NRG3: variants seen among roughly 807,000 people sequenced by gnomAD.
The protein encoded by NRG3 is pro-neuregulin-3, membrane-bound isoform.
NRG3 carries 31 observed loss-of-function variants against 66.9 expected under a neutral mutation model. The observed-to-expected ratio is 0.46, with a 90% confidence interval of 0.35 to 0.63. The LOEUF is 0.63. Ranked by LOEUF, NRG3 falls within the 20% of genes least tolerant of loss-of-function variation. NRG3 has a pLI of 0.00. For missense variants in NRG3, 910 were observed against 878.9 expected (o/e 1.04, Z -0.45); for synonymous variants, 393 against 359.4 (o/e 1.09, Z -1.06).
At chr10:82,377,457 T>TGTGTGTGCGC (rs57900993) in intron 2 of NRG3, among the ~76,000 whole-genome samples, 1,592 of 150,400 alleles carry the variant, frequency 0.011, 20 homozygotes, top group African/African-American at 0.024. Flanking sequence ...TGTGTGTGTG[T>TGTGTGTGCGC]GCGCGAGCGC....
chr10:82,684,786 A>G (rs1053728749), intron 2 of NRG3, among the ~76,000 whole-genome samples: 11 of 152,202 alleles, frequency 7.2e-5, no homozygotes, highest in African/African-American at 2.7e-4. Flanking sequence ...CTTGCAAAAC[A>G]GAAAAGATTG....
intron 1 of NRG3, among the ~76,000 whole-genome samples, chr10:81,999,091 C>T (rs186787335): frequency 7.9e-5 from 12 of 152,288 alleles, no homozygotes; most frequent in African/African-American, 1.2e-4. Context: ...GCGTGAGCCA[C>T]GGTGCCTGGG....
chr10:82,535,902 C>CTTTTT (rs34319022), intron 2 of NRG3, among the ~76,000 whole-genome samples: 4 of 133,038 alleles, frequency 3.0e-5, no homozygotes, highest in African/African-American at 1.1e-4. Flanking sequence ...TTAAAGTAGT[C>CTTTTT]TTTTTTTTTT....
Position 82,695,451 on chromosome 10 carries a change from A to G in NRG3, c.954-43126A>G, listed in dbSNP as rs560583978. Among the ~76,000 whole-genome samples the G allele has an allele frequency of 2.6e-5, 4 of 152,288 alleles. No homozygotes were observed. The South Asian group carries it at 8.3e-4, about 32-fold the overall frequency. Reference sequence around the variant, plus strand: ...TAGGATCGCAGTTTAATATACGAGTATGAAAACTCATATGTTAAGAGAGAA... The same window carrying G: ...TAGGATCGCAGTTTAATATACGAGTGTGAAAACTCATATGTTAAGAGAGAA... On this transcript the variant is annotated intron_variant, in intron 2 of 8. Transcript: ENST00000372141.
chr10:82,860,521 A>G (rs2064066741), intron 3 of NRG3, among the ~76,000 whole-genome samples: 1 of 152,216 alleles, frequency 6.6e-6, no homozygotes, highest in South Asian at 2.1e-4. Context: ...AGAGAAAGTT[A>G]GTTCCCCTCT....
At chr10:81,924,556 T>C (rs1355400869) in intron 1 of NRG3, among the ~76,000 whole-genome samples, 2 of 152,278 alleles carry the variant, frequency 1.3e-5, no homozygotes, top group East Asian at 1.9e-4. Flanking sequence ...GGGAGTTCAT[T>C]TGGGTGGACA....
intron 2 of NRG3, among the ~76,000 whole-genome samples, chr10:82,643,766 C>G (rs2050739928): frequency 6.6e-6 from 1 of 151,946 alleles, no homozygotes; most frequent in Non-Finnish European, 1.5e-5. Context: ...TGCTTCAGTT[C>G]TCTGGCATGT....
chr10:82,675,150 T>A (rs1348178248), intron 2 of NRG3, among the ~76,000 whole-genome samples: 2 of 151,624 alleles, frequency 1.3e-5, no homozygotes, highest in Admixed American at 1.3e-4. Flanking sequence ...AGAGATGGGG[T>A]TTCTCTATGT....
intron 2 of NRG3, among the ~76,000 whole-genome samples, chr10:82,523,700 T>C (rs113814667): frequency 1.1e-4 from 16 of 152,134 alleles, no homozygotes; most frequent in African/African-American, 3.9e-4. Flanking sequence ...ATTTGCCAAA[T>C]TGTATTTGCT....
chr10:82,187,115 A>C (rs1173210465), intron 1 of NRG3, among the ~76,000 whole-genome samples: 3 of 152,202 alleles, frequency 2.0e-5, no homozygotes, highest in African/African-American at 7.2e-5. Flanking sequence ...AATATAAATT[A>C]ATGAATAAAA....
intron 1 of NRG3, among the ~76,000 whole-genome samples, chr10:82,269,245 CT>C: frequency 1.3e-5 from 2 of 152,190 alleles, no homozygotes; most frequent in Middle Eastern, 3.4e-3. Context: ...AGGTGGTTGT[CT>C]AAGGGCCTTG....
In NRG3 at chr10:81,998,007, C is replaced by T. The variant is rs551586344; in HGVS notation, c.823+121844C>T. On this transcript the variant is annotated intron_variant, in intron 1 of 8. Transcript: ENST00000372141. ...CAGGTCTGGGTGATTTGTGAGTCTTCATGTGTGATAATGTGTAGCCTCTAC... is the reference window on the plus strand; with the variant it reads ...CAGGTCTGGGTGATTTGTGAGTCTTTATGTGTGATAATGTGTAGCCTCTAC... Among the ~76,000 whole-genome samples the T allele has an allele frequency of 1.5e-4, 23 of 152,078 alleles. No homozygotes were observed. The South Asian group carries it at 3.1e-3, about 21-fold the overall frequency.
intron 1 of NRG3, among the ~76,000 whole-genome samples, chr10:81,999,533 G>C (rs141469935): frequency 3.2e-4 from 48 of 152,192 alleles, no homozygotes; most frequent in Non-Finnish European, 6.2e-4. Context: ...GAGAGGTCAG[G>C]TCATTTTGTA....
chr10:82,131,452 C>A (rs1251039016), intron 1 of NRG3, among the ~76,000 whole-genome samples: 1 of 152,008 alleles, frequency 6.6e-6, no homozygotes, highest in African/African-American at 2.4e-5. Flanking sequence ...CTGTAATATA[C>A]TTTGAGGTCA....
chr10:82,761,470 T>C (rs1413182043), intron 3 of NRG3, among the ~76,000 whole-genome samples: 1 of 152,084 alleles, frequency 6.6e-6, no homozygotes, highest in African/African-American at 2.4e-5. Context: ...TTAGCTTAAA[T>C]TGGAATCAAA....
intron 2 of NRG3, among the ~76,000 whole-genome samples, chr10:82,685,132 C>T (rs1357977249): frequency 2.0e-5 from 3 of 147,150 alleles, no homozygotes; most frequent in Non-Finnish European, 4.5e-5. Flanking sequence ...GCCGAATAGA[C>T]AGAGGCCCCC....
chr10:82,360,789 T>G (rs1429129805), intron 2 of NRG3, among the ~76,000 whole-genome samples: 2 of 152,082 alleles, frequency 1.3e-5, no homozygotes, highest in Non-Finnish European at 2.9e-5. Flanking sequence ...TTATAGATGG[T>G]CAAGGAGATG....
At chr10:82,906,514 A>T (rs1844749844) in intron 4 of NRG3, among the ~76,000 whole-genome samples, 1 of 152,198 alleles carries the variant, frequency 6.6e-6, no homozygotes, top group Admixed American at 6.5e-5. Context: ...AGTTTGACAT[A>T]AATGTAGCCT....
At chr10:82,775,215 C>CT (rs35307796) in intron 3 of NRG3, among the ~76,000 whole-genome samples, 150 of 140,000 alleles carry the variant, frequency 1.1e-3, no homozygotes, top group Admixed American at 1.9e-3. Context: ...TATTTGGGAT[C>CT]TTTTTTTTTT....
Sources: allele counts gnomAD v4.1 joint callset (sites outside exome capture counted in the v4.1 genomes callset), GRCh38; gene constraint gnomAD v4.1.1; transcripts MANE v1.5; gene names NCBI Gene and HGNC (gene_info 2026-07-23, HGNC 2026-07-21).